Variants in CATSPERE observed in about 807,000 individuals in gnomAD.
The protein encoded by CATSPERE is catsper channel auxiliary subunit epsilon.
A neutral mutation model predicts 114.1 loss-of-function variants in CATSPERE; 93 were observed. The ratio of observed to expected loss-of-function variants is 0.81; its 90% CI spans 0.69 to 0.97. CATSPERE has a LOEUF of 0.97. Among genes scored for constraint, CATSPERE ranks in the 50% least tolerant of loss-of-function variants. The pLI is 0.00. For missense variants in CATSPERE, 1,058 were observed against 1,131.6 expected, an observed-to-expected ratio of 0.93 and a Z score of 0.93; for synonymous variants, 341 against 384.1, an observed-to-expected ratio of 0.89 and a Z score of 1.31.
At chr1:244,457,497 A>G (rs529762360), upstream of CATSPERE, 17 of 152,284 alleles carry the variant, frequency 1.1e-4, no homozygotes, top group Admixed American at 4.6e-4. Context: ...TGGCAGGGGA[A>G]AAAAAGGAGG....
At chr1:244,493,927 G>C (rs1205387470) in intron 6 of CATSPERE, among the ~76,000 whole-genome samples, 3 of 152,148 alleles carry the variant, frequency 2.0e-5, no homozygotes, top group Non-Finnish European at 4.4e-5. Flanking sequence ...AGTTAGAATG[G>C]CGATCATTAA....
chr1:244,498,394 G>A (rs1425109781), intron 6 of CATSPERE, among the ~76,000 whole-genome samples: 2 of 152,190 alleles, frequency 1.3e-5, no homozygotes, highest in East Asian at 1.9e-4. Context: ...TGGGAATTGA[G>A]TGATGGAGTA....
intron 11 of CATSPERE, 110 bp from the exon 12 acceptor site, chr1:244,581,686 C>T (rs1666197941): frequency 1.7e-6 from 1 of 574,988 alleles, no homozygotes. Flanking sequence ...ATTACATACC[C>T]TAATGAAGGC....
rs1447434340 is a variant in CATSPERE at position 244,581,859 on chromosome 1, G to A, written c.2009+5G>A. On this transcript the variant is annotated splice_donor_5th_base_variant and intron_variant, in intron 12 of 21. Transcript: ENST00000366534. ...ATCTGATTACTTTGAGACACAGTAAGTATAACTTTTAAAAGAACTTTCTCA... is the reference window on the plus strand; with the variant it reads ...ATCTGATTACTTTGAGACACAGTAAATATAACTTTTAAAAGAACTTTCTCA... The A allele has an allele frequency of 8.0e-7, 1 of 1,247,246 alleles. No homozygotes were observed. Among genetic ancestry groups the A allele is most frequent in the South Asian group, 1.3e-5 (1 of 75,670 alleles). The allele number at this position is 1,247,246 out of a possible 1,614,324, so 77.3% of individuals were successfully genotyped here. A position where few individuals can be genotyped will look rare whatever the true frequency, so the allele number is the denominator to read the frequency against.
rs559756271 is a variant in CATSPERE, at chr1:244,498,865, T to C, written c.352-137T>C. The C allele has an allele frequency of 3.9e-5, 21 of 535,316 alleles. No homozygotes were observed. The South Asian group carries it at 4.5e-4, about 11-fold the overall frequency. 33.2% of individuals were successfully genotyped at this position (535,316 alleles called of 1,614,324 possible). On this transcript the variant is annotated intron_variant, in intron 6 of 21. Transcript: ENST00000366534. ...GTGAGCTGAGATTGCACCCCTGCAC[T>C]CCAGCCTGGGCGACAGAGCAAGACT...
At chr1:244,527,786 T>C (rs1169074059) in intron 8 of CATSPERE, among the ~76,000 whole-genome samples, 1 of 152,178 alleles carries the variant, frequency 6.6e-6, no homozygotes, top group Non-Finnish European at 1.5e-5. Context: ...ATTTATGTTC[T>C]TCTGCCGTGG....
At chr1:244,477,140 C>T (rs751405222) in intron 2 of CATSPERE, among the ~76,000 whole-genome samples, 34 of 152,204 alleles carry the variant, frequency 2.2e-4, no homozygotes, top group Non-Finnish European at 3.8e-4. Flanking sequence ...GGATTACAGG[C>T]GCGTGCCACC....
intron 14 of CATSPERE, 110 bp from the exon 15 acceptor site, chr1:244,591,571 A>G: frequency 3.3e-6 from 2 of 612,342 alleles, no homozygotes; most frequent in Non-Finnish European, 5.7e-6. Context: ...TCAGTAAATG[A>G]TGATTCTCTG....
At chr1:244,552,955 A>G in intron 9 of CATSPERE, 141 bp downstream of exon 9, 1 of 340,540 alleles carries the variant, frequency 2.9e-6, no homozygotes, top group Non-Finnish European at 4.8e-6. Context: ...AAACAGCTCT[A>G]ACTCAACTTC....
intron 9 of CATSPERE, among the ~76,000 whole-genome samples, chr1:244,555,244 G>A (rs778386104): frequency 6.6e-6 from 1 of 152,046 alleles, no homozygotes; most frequent in Non-Finnish European, 1.5e-5. Flanking sequence ...AATCAGCTGG[G>A]TGTGGTGGCA....
At chr1:244,491,263 A>G (rs1243308076) in intron 6 of CATSPERE, among the ~76,000 whole-genome samples, 1 of 152,244 alleles carries the variant, frequency 6.6e-6, no homozygotes, top group Non-Finnish European at 1.5e-5. Flanking sequence ...CCACAGTGCA[A>G]TCAAACTAGA....
intron 9 of CATSPERE, among the ~76,000 whole-genome samples, chr1:244,557,061 A>G (rs1056497962): frequency 6.6e-5 from 10 of 152,160 alleles, no homozygotes; most frequent in East Asian, 1.9e-4. Context: ...TGGATTCTCT[A>G]TTCTGTTCTG....
At position 244,568,923 on chromosome 1, in the gene CATSPERE, ACTC is replaced by A. The variant is rs1664020212; in HGVS notation, c.1508-3404_1508-3402del. On this transcript the variant is annotated intron_variant, in intron 10 of 21. Transcript: ENST00000366534. This position sits in a 1 kb window ranked among gnomAD's most constrained non-coding sequence, Gnocchi z 4.4. Reference sequence around the variant, plus strand: ...ACAAAAACAAAAACAAAGACAAAAAACTCCTGCAGCTAGCCTGGTGTCTGCCCA... The same window carrying A: ...ACAAAAACAAAAACAAAGACAAAAAACTGCAGCTAGCCTGGTGTCTGCCCA... Among the ~76,000 whole-genome samples the A allele has an allele frequency of 6.6e-6, 1 of 151,394 alleles. No individual in the cohort carries two copies. Among genetic ancestry groups the A allele is most frequent in the South Asian group, 2.1e-4 (1 of 4,772 alleles).
upstream of CATSPERE, among the ~76,000 whole-genome samples, chr1:244,456,852 G>A (rs1412090726): frequency 6.6e-6 from 1 of 152,140 alleles, no homozygotes; most frequent in Non-Finnish European, 1.5e-5. Context: ...TCACTAAAAT[G>A]AAAGTTGCTA....
At chr1:244,632,701 CTT>C (rs1400677750) in intron 20 of CATSPERE, among the ~76,000 whole-genome samples, 2 of 151,558 alleles carry the variant, frequency 1.3e-5, no homozygotes, top group African/African-American at 4.9e-5. Context: ...ATTAAAAAAA[CTT>C]TATTAATACA....
upstream of CATSPERE, among the ~76,000 whole-genome samples, chr1:244,457,984 T>G (rs1483999951): frequency 3.3e-5 from 5 of 152,208 alleles, no homozygotes; most frequent in African/African-American, 7.2e-5. Flanking sequence ...GTTAAATGAC[T>G]GTGTGCCACA....
At chr1:244,638,939 A>G (rs776063629) in intron 21 of CATSPERE, among the ~76,000 whole-genome samples, 3 of 152,076 alleles carry the variant, frequency 2.0e-5, no homozygotes, top group Non-Finnish European at 2.9e-5. Context: ...CTACCTTCAC[A>G]CTCATGCTTT....
chr1:244,553,600 A>C (rs1050889285), intron 9 of CATSPERE, among the ~76,000 whole-genome samples: 22 of 32,582 alleles, frequency 6.8e-4, no homozygotes, highest in African/African-American at 2.0e-3. Context: ...AAAAAAAAAA[A>C]ATACACACAC....
intron 19 of CATSPERE, among the ~76,000 whole-genome samples, chr1:244,616,297 CTT>C: frequency 6.6e-6 from 1 of 152,146 alleles, no homozygotes; most frequent in Non-Finnish European, 1.5e-5. Flanking sequence ...GAGGAAGTCT[CTT>C]TGAGACTGTG....
Sources: gnomAD v4.1 joint callset for allele counts (sites outside exome capture counted in the v4.1 genomes callset) on GRCh38, gnomAD v4.1.1 for gene constraint, Gnocchi (gnomAD v3.1) non-coding constraint, MANE v1.5 for transcripts, NCBI Gene and HGNC (gene_info 2026-07-23, HGNC 2026-07-21) for gene names.